Variants in SIPA1L1 observed in about 807,000 individuals in gnomAD.
The protein encoded by SIPA1L1 is signal-induced proliferation-associated 1-like protein 1.
Under a neutral mutation model 162.7 loss-of-function variants are expected in SIPA1L1, and 26 were observed. The observed-to-expected ratio is 0.16, with a 90% confidence interval of 0.12 to 0.22. The LOEUF is 0.22. Among genes scored for constraint, SIPA1L1 ranks in the 10% least tolerant of loss-of-function variants. The pLI is 1.00. For synonymous variants in SIPA1L1, 829 were observed against 837.4 expected (o/e 0.99, Z 0.17); for missense variants, 1,874 against 2,241.0 (o/e 0.84, Z 3.31).
At position 71,589,159 on chromosome 14, in the gene SIPA1L1, C is replaced by G; in HGVS notation, c.1287C>G (p.Ile429Met). 1 of 1,614,026 alleles carries G rather than the reference C, an allele frequency of 6.2e-7. No individual in the cohort carries two copies. The highest frequency in any genetic ancestry group is 8.5e-7 in the Non-Finnish European group (1 of 1,179,942). ...NEIGGEGERK[I>M]SLSKSNSGSF... ...TAGGTGGAGAAGGGGAGAGGAAAAT[C>G]AGCCTTTCAAAATCAAATTCTGGCT... The change falls in exon 5 of 24, where the codon ATC (isoleucine) becomes ATG (methionine). Residue 429 changes from isoleucine (I) to methionine (M), a missense_variant. By Grantham distance (10) the Ile-to-Met change is conservative. Around this residue, in one of 5 missense-constraint regions of SIPA1L1, gnomAD observed 685 missense variants for 828.0 expected, o/e 0.83. Transcript: ENST00000381232.
At chr14:71,437,726 C>A (rs2141121095) in intron 2 of SIPA1L1, among the ~76,000 whole-genome samples, 1 of 152,298 alleles carries the variant, frequency 6.6e-6, no homozygotes, top group East Asian at 1.9e-4. Flanking sequence ...ACCTCTATCA[C>A]AACAAACATT....
chr14:71,494,681 C>T (rs1033725839), intron 2 of SIPA1L1, among the ~76,000 whole-genome samples: 15 of 152,014 alleles, frequency 9.9e-5, no homozygotes, highest in African/African-American at 3.4e-4. Context: ...CACACGCAAC[C>T]TCATCCAGCT....
At chr14:71,656,368 A>G (rs2043056566) in intron 8 of SIPA1L1, among the ~76,000 whole-genome samples, 1 of 152,176 alleles carries the variant, frequency 6.6e-6, no homozygotes, top group African/African-American at 2.4e-5. Context: ...ATTTTGCTTA[A>G]AATTGACTTG....
intron 4 of SIPA1L1, among the ~76,000 whole-genome samples, chr14:71,572,977 C>G (rs537472750): frequency 6.6e-6 from 1 of 152,262 alleles, no homozygotes; most frequent in African/African-American, 2.4e-5. Context: ...ATGCTGATTT[C>G]TCATCTTCCA....
chr14:71,655,654 A>T (rs1371595588), intron 8 of SIPA1L1, among the ~76,000 whole-genome samples: 1 of 152,182 alleles, frequency 6.6e-6, no homozygotes, highest in African/African-American at 2.4e-5. Context: ...CTTTTGAATG[A>T]TAGCCATTCT....
intron 2 of SIPA1L1, among the ~76,000 whole-genome samples, chr14:71,428,040 T>C (rs1406215392): frequency 1.3e-5 from 2 of 152,040 alleles, no homozygotes; most frequent in East Asian, 1.9e-4. Flanking sequence ...TTTTTTGAGA[T>C]GGAGTGCGGT....
intron 2 of SIPA1L1, among the ~76,000 whole-genome samples, chr14:71,406,587 T>C (rs557247844): frequency 2.7e-5 from 4 of 146,156 alleles, no homozygotes; most frequent in African/African-American, 9.7e-5. Context: ...TTAGATTACC[T>C]TGGGGGGATT....
chr14:71,565,352 T>C (rs2030228134), intron 4 of SIPA1L1, among the ~76,000 whole-genome samples: 1 of 152,222 alleles, frequency 6.6e-6, no homozygotes, highest in South Asian at 2.1e-4. Flanking sequence ...TTGAAGTTAT[T>C]TTCCTTATGT....
chr14:71,577,569 GGGTTTCACC>G (rs2033260554), intron 4 of SIPA1L1, among the ~76,000 whole-genome samples: 1 of 151,868 alleles, frequency 6.6e-6, no homozygotes, highest in Non-Finnish European at 1.5e-5. Context: ...AGTAGAGGTG[GGGTTTCACC>G]ATGTTGGCCA....
intron 2 of SIPA1L1, among the ~76,000 whole-genome samples, chr14:71,355,631 T>C (rs376799575): frequency 6.6e-6 from 1 of 152,236 alleles, no homozygotes; most frequent in East Asian, 1.9e-4. Flanking sequence ...GTTACTGTCA[T>C]CAGACTCTTT....
At chr14:71,599,410 G>A (rs7144299) in intron 5 of SIPA1L1, among the ~76,000 whole-genome samples, 1 of 150,270 alleles carries the variant, frequency 6.7e-6, no homozygotes, top group Non-Finnish European at 1.5e-5. Context: ...CCTCGGCCTC[G>A]CAAAGTGCTG....
intron 2 of SIPA1L1, among the ~76,000 whole-genome samples, chr14:71,371,051 G>A (rs1318158511): frequency 6.6e-6 from 1 of 152,066 alleles, no homozygotes; most frequent in Non-Finnish European, 1.5e-5. Flanking sequence ...CTAAATGGGG[G>A]AAGTTGATCT....
chr14:71,609,260 A>G (rs1205266823), intron 5 of SIPA1L1, among the ~76,000 whole-genome samples: 2 of 151,860 alleles, frequency 1.3e-5, no homozygotes, highest in East Asian at 3.9e-4. Flanking sequence ...CTCTCCTTGG[A>G]ATAAATTTTT....
chr14:71,701,850 A>G (rs2082120568), intron 14 of SIPA1L1, among the ~76,000 whole-genome samples: 1 of 152,208 alleles, frequency 6.6e-6, no homozygotes, highest in Admixed American at 6.5e-5. Context: ...CGTGGTTTCT[A>G]CATGATCTAA....
chr14:71,636,574 T>C (rs184584545), intron 7 of SIPA1L1, among the ~76,000 whole-genome samples: 17 of 152,224 alleles, frequency 1.1e-4, no homozygotes, highest in Non-Finnish European at 1.5e-5. Flanking sequence ...CAGTATGAAA[T>C]GCTGCGTTAG....
intron 2 of SIPA1L1, among the ~76,000 whole-genome samples, chr14:71,469,139 C>T (rs933305021): frequency 1.3e-5 from 2 of 151,460 alleles, no homozygotes; most frequent in Non-Finnish European, 3.0e-5. Context: ...CCACTGGAGT[C>T]TCACCTCCAA....
At chr14:71,402,350 AT>A (rs34542279) in intron 2 of SIPA1L1, among the ~76,000 whole-genome samples, 226 of 144,198 alleles carry the variant, frequency 1.6e-3, no homozygotes, top group Middle Eastern at 3.6e-3. Context: ...TCTTGGGTAA[AT>A]TTTTTTTTTT....
intron 2 of SIPA1L1, among the ~76,000 whole-genome samples, chr14:71,356,463 G>T (rs1209671961): frequency 6.7e-6 from 1 of 149,322 alleles, no homozygotes; most frequent in Non-Finnish European, 1.5e-5. Context: ...CAGGCACGTG[G>T]CTCATGCCTG....
chr14:71,617,412 C>G (rs982441590), intron 5 of SIPA1L1, among the ~76,000 whole-genome samples: 7 of 152,162 alleles, frequency 4.6e-5, no homozygotes, highest in African/African-American at 1.7e-4. Flanking sequence ...GCATAAGTGT[C>G]TGTACATGAA....
Sources: allele counts gnomAD v4.1 joint callset (sites outside exome capture counted in the v4.1 genomes callset), GRCh38; gene constraint gnomAD v4.1.1; regional missense constraint gnomAD v4.1.1; transcripts MANE v1.5; gene names NCBI Gene and HGNC (gene_info 2026-07-23, HGNC 2026-07-21).